ASAP3: variants seen among roughly 807,000 people sequenced by gnomAD.
ASAP3 encodes arf-GAP with SH3 domain, ANK repeat and PH domain-containing protein 3.
Under a neutral mutation model 118.2 loss-of-function variants are expected in ASAP3, and 85 were observed. The observed-to-expected ratio is 0.72, with a 90% CI of 0.60 to 0.86. The LOEUF (loss-of-function observed/expected upper bound fraction) is 0.86. Among genes scored for constraint, ASAP3 ranks in the 40% least tolerant of loss-of-function variants. The probability of loss-of-function intolerance (pLI) is 0.00; values close to 1 mark genes in which losing one functional copy is unlikely to be tolerated. For synonymous variants in ASAP3, 432 were observed against 477.4 expected (o/e 0.90, Z 1.24); for missense variants, 1,026 against 1,175.0 (o/e 0.87, Z 1.85).
chr1:23,482,451 G>C (rs1039834288), intron 1 of ASAP3, among the ~76,000 whole-genome samples: 4 of 152,072 alleles, frequency 2.6e-5, no homozygotes, highest in African/African-American at 9.7e-5. Context: ...GAACCCGGGA[G>C]GCAGAGATTG....
chr1:23,484,200 G>T (rs1002341515), upstream of ASAP3: 4 of 1,210,546 alleles, frequency 3.3e-6, no homozygotes, highest in South Asian at 4.1e-5. Flanking sequence ...GCGCTGAGCC[G>T]GCCTCACCGC....
chr1:23,442,735 G>A, intron 5 of ASAP3, 123 bp from the exon 6 acceptor site: 2 of 1,420,894 alleles, frequency 1.4e-6, no homozygotes, highest in Non-Finnish European at 9.4e-7. Flanking sequence ...GCTGTGTGGT[G>A]GGGCTGGGTA....
In ASAP3 at chr1:23,439,124, A is replaced by G. The variant is rs150010774; in HGVS notation, c.1014+37T>C. 1.3e-3 allele frequency: 2,039 copies of G among 1,605,962 alleles called. 21 individuals are homozygous for G. In the African/African-American group the frequency reaches 0.023, roughly 18 times the overall value. On this transcript the variant is annotated intron_variant, in intron 11 of 24. Transcript: ENST00000336689. Reference sequence around the variant, plus strand: ...TCAGAACACCAGAAGAAGAGGGTCCATCGTGCCCTGAGACTCCCACCACCT... The same window carrying G: ...TCAGAACACCAGAAGAAGAGGGTCCGTCGTGCCCTGAGACTCCCACCACCT...
chr1:23,480,636 A>C (rs1457766709), intron 1 of ASAP3, among the ~76,000 whole-genome samples: 1 of 152,152 alleles, frequency 6.6e-6, no homozygotes, highest in African/African-American at 2.4e-5. Flanking sequence ...TCAGTCAGCA[A>C]ATCAAAGTAG....
rs1172215652 is a variant in ASAP3, at chr1:23,436,703, A to G, written c.1477-49T>C. On this transcript the variant is annotated intron_variant, in intron 15 of 24. Transcript: ENST00000336689. This position sits in a 1 kb window ranked among gnomAD's most constrained non-coding sequence, Gnocchi z 4.2. ...TGGGGCGGAGTAAGACCGGGCGGTT[A>G]AGCCTGCATAGGGTGGAGCTCCAAG... is the stretch of plus-strand genomic sequence containing the variant. 2 of 1,607,450 alleles carry G rather than the reference A, an allele frequency of 1.2e-6. No individual in the cohort carries two copies. The highest frequency in any genetic ancestry group is 1.7e-6 in the Non-Finnish European group (2 of 1,174,140).
At chr1:23,458,923 C>T (rs561110971) in intron 1 of ASAP3, among the ~76,000 whole-genome samples, 1 of 152,124 alleles carries the variant, frequency 6.6e-6, no homozygotes, top group South Asian at 2.1e-4. Flanking sequence ...GTAATCCTAG[C>T]ACTCTGGGAG....
chr1:23,477,712 G>GTTTGT (rs778181404), intron 1 of ASAP3, among the ~76,000 whole-genome samples: 3 of 152,128 alleles, frequency 2.0e-5, no homozygotes, highest in East Asian at 1.9e-4. Flanking sequence ...TGTTCTTTCT[G>GTTTGT]TTTGTTTTGT....
At chr1:23,443,918 T>C (rs1367694652) in intron 5 of ASAP3, among the ~76,000 whole-genome samples, 1 of 152,134 alleles carries the variant, frequency 6.6e-6, no homozygotes, top group African/African-American at 2.4e-5. Flanking sequence ...AGATGGGGTT[T>C]CACCGTGTTA....
At position 23,461,678 on chromosome 1, in the gene ASAP3, A is replaced by G. The variant is rs1464995982; in HGVS notation, c.130-5484T>C. 6.5e-5 allele frequency among the ~76,000 whole-genome samples: 8 copies of G among 123,010 alleles called. No homozygotes were observed. The East Asian group carries it at 1.8e-3, about 28-fold the overall frequency. The allele number at this position is 123,010 out of a possible 152,430, so 80.7% of individuals were successfully genotyped here. ...CCTGTCTCAAACGCACCCCCCCACA[A>G]AAAAAAAAAACAAAAGAAAAAAGGG... On this transcript the variant is annotated intron_variant, in intron 1 of 24. Transcript: ENST00000336689.
intron 1 of ASAP3, among the ~76,000 whole-genome samples, chr1:23,458,646 A>T (rs1641466036): frequency 6.6e-6 from 1 of 152,124 alleles, no homozygotes; most frequent in African/African-American, 2.4e-5. Context: ...TTTCTTACTA[A>T]AGAGACAAAG....
At position 23,456,277 on chromosome 1, in the gene ASAP3, C is replaced by T; in HGVS notation, c.130-83G>A. The T allele has an allele frequency of 4.6e-6, 6 of 1,296,446 alleles. 1 individual carries two copies. The highest frequency in any genetic ancestry group is 4.9e-5 in the East Asian group (2 of 40,770). 80.3% of individuals were successfully genotyped at this position (1,296,446 alleles called of 1,614,324 possible). On this transcript the variant is annotated intron_variant, in intron 1 of 24. Coordinates refer to ENST00000336689, the MANE Select transcript of ASAP3 (RefSeq NM_017707.4). ...TCAGGAACGCTGTATCTATGATTTCCACCCCCCAACCGCCCTCCAAACAAA... is the reference window on the plus strand; with the variant it reads ...TCAGGAACGCTGTATCTATGATTTCTACCCCCCAACCGCCCTCCAAACAAA...
chr1:23,432,721 T>C (rs1640483849), intron 22 of ASAP3, among the ~76,000 whole-genome samples: 1 of 152,254 alleles, frequency 6.6e-6, no homozygotes, highest in African/African-American at 2.4e-5. Flanking sequence ...TTATAATGAA[T>C]TGCATTCCAG....
At chr1:23,474,529 C>T (rs1395694359) in intron 1 of ASAP3, among the ~76,000 whole-genome samples, 1 of 152,124 alleles carries the variant, frequency 6.6e-6, no homozygotes, top group African/African-American at 2.4e-5. Context: ...TGGGTCTGGG[C>T]CTTCTTCGTT....
chr1:23,473,177 T>C (rs1642015572), intron 1 of ASAP3, among the ~76,000 whole-genome samples: 4 of 152,196 alleles, frequency 2.6e-5, no homozygotes, highest in Admixed American at 6.5e-5. Flanking sequence ...CTTACCACAA[T>C]AGTTTTCACC....
In ASAP3 at chr1:23,438,825, G is replaced by T; in HGVS notation, c.1024C>A (p.Pro342Thr). The T allele has an allele frequency of 3.1e-6, 5 of 1,614,200 alleles. No homozygotes were observed. The highest frequency in any genetic ancestry group is 4.2e-6 in the Non-Finnish European group (5 of 1,180,030). The part of the protein sequence containing the change: ...LTISHSTINR[P>T]PVKLTLLTCQ... ...GTCAGCAGGGTCAGCTTCACCGGGG[G>T]CCGGTTTATCTGTGGGAATTTAGGG... Residue 342 changes from proline to threonine, a missense_variant, in exon 12 of 25, where the codon CCC becomes ACC. Coordinates refer to ENST00000336689, the MANE Select transcript of ASAP3 (RefSeq NM_017707.4). The surrounding 1 kb of genome is among the most constrained non-coding windows in gnomAD (Gnocchi z 4.9).
chr1:23,470,557 C>T (rs1641928424), intron 1 of ASAP3, among the ~76,000 whole-genome samples: 1 of 152,250 alleles, frequency 6.6e-6, no homozygotes, highest in Admixed American at 6.5e-5. Context: ...CCTTCCCACC[C>T]TGAGCCTCTG....
chr1:23,473,648 G>A (rs1313081615), intron 1 of ASAP3, among the ~76,000 whole-genome samples: 3 of 152,166 alleles, frequency 2.0e-5, no homozygotes, highest in Non-Finnish European at 4.4e-5. Flanking sequence ...CTGTCTCCTT[G>A]TACCTCAGTG....
At chr1:23,442,093 T>C in intron 7 of ASAP3, 93 bp downstream of exon 7, 1 of 1,356,156 alleles carries the variant, frequency 7.4e-7, no homozygotes, top group Non-Finnish European at 1.0e-6. Flanking sequence ...GATGCAGGCC[T>C]CCAAAGAGAC....
intron 5 of ASAP3, among the ~76,000 whole-genome samples, chr1:23,445,714 T>C (rs1195431845): frequency 6.6e-6 from 1 of 152,194 alleles, no homozygotes; most frequent in African/African-American, 2.4e-5. Flanking sequence ...GGCTCATGCC[T>C]GTAATCCAAG....
Sources: allele counts gnomAD v4.1 joint callset (sites outside exome capture counted in the v4.1 genomes callset), GRCh38; gene constraint gnomAD v4.1.1; non-coding constraint Gnocchi (gnomAD v3.1); transcripts MANE v1.5; gene names NCBI Gene and HGNC (gene_info 2026-07-23, HGNC 2026-07-21).